Variants in SMIM31 observed in about 807,000 individuals in gnomAD.
SMIM31 encodes the protein small integral membrane protein 31, also known as human epithelial cell program regulator.
At chr4:164,795,558 CAAAAAAAAAAAAAAAA>C (rs60083689) in intron 2 of SMIM31, among the ~76,000 whole-genome samples, 1 of 76,958 alleles carries the variant, frequency 1.3e-5, no homozygotes, top group Non-Finnish European at 2.2e-5. Flanking sequence ...TACTCCATCT[CAAAAAAAAAAAAAAAA>C]AAAAAAAAAA....
At position 164,801,500 on chromosome 4, in the gene SMIM31, A is replaced by G; in HGVS notation, c.*306A>G. 1 of 209,344 alleles carries G rather than the reference A, an allele frequency of 4.8e-6. No individual in the cohort carries two copies. The highest frequency in any genetic ancestry group is 9.8e-5 in the East Asian group (1 of 10,202). The allele number at this position is 209,344 out of a possible 1,614,324, so 13.0% of individuals were successfully genotyped here. ...GAACACAGAGAAAGAAGAAAACTACATGTGTTACAATTTGGTAAGATAAAC... is the reference window on the plus strand; with the variant it reads ...GAACACAGAGAAAGAAGAAAACTACGTGTGTTACAATTTGGTAAGATAAAC... On this transcript the variant is annotated 3_prime_UTR_variant, in exon 3 of 3. Coordinates refer to ENST00000507311, the MANE Select transcript of SMIM31 (RefSeq NM_001352885.1).
chr4:164,762,662 C>CAAAAAAAA (rs1162067333), intron 1 of SMIM31, among the ~76,000 whole-genome samples: 27 of 100,068 alleles, frequency 2.7e-4, no homozygotes, highest in African/African-American at 7.5e-4. Flanking sequence ...GACTCTGTCT[C>CAAAAAAAA]AAAAAAAAAA....
At chr4:164,795,057 A>G (rs993130691) in intron 2 of SMIM31, among the ~76,000 whole-genome samples, 5 of 152,142 alleles carry the variant, frequency 3.3e-5, no homozygotes, top group African/African-American at 1.2e-4. Context: ...ACTCAATACT[A>G]ATAAATCTCT....
intron 2 of SMIM31, among the ~76,000 whole-genome samples, chr4:164,793,396 C>T (rs921490861): frequency 6.6e-6 from 1 of 152,098 alleles, no homozygotes; most frequent in African/African-American, 2.4e-5. Context: ...ACTAGATATC[C>T]ACATACAAAA....
In SMIM31 at chr4:164,758,639, T is replaced by TG. The variant is rs1182071480; in HGVS notation, c.-26+4228_-26+4229insG. Among the ~76,000 whole-genome samples, 4 of 127,794 alleles carry TG rather than the reference T, an allele frequency of 3.1e-5. 1 individual carries two copies. Among genetic ancestry groups the TG allele is most frequent in the African/African-American group, 5.7e-5 (2 of 35,194 alleles). 83.8% of individuals were successfully genotyped at this position (127,794 alleles called of 152,430 possible). A position where few individuals can be genotyped will look rare whatever the true frequency, so the allele number is the denominator to read the frequency against. ...TAGTTTTCCTTTTTTTGTTTTTTTT[T>TG]TTTTTTTTTTTTGAGACGGAGTCTC... On this transcript the variant is annotated intron_variant, in intron 1 of 2. Coordinates refer to ENST00000507311, the MANE Select transcript of SMIM31 (RefSeq NM_001352885.1).
At chr4:164,776,875 T>C (rs1302573765) in intron 2 of SMIM31, among the ~76,000 whole-genome samples, 1 of 152,224 alleles carries the variant, frequency 6.6e-6, no homozygotes, top group Non-Finnish European at 1.5e-5. Flanking sequence ...CTAATAATAG[T>C]TCATGTTGCT....
At chr4:164,795,525 A>C (rs1265049855) in intron 2 of SMIM31, among the ~76,000 whole-genome samples, 1 of 131,602 alleles carries the variant, frequency 7.6e-6, no homozygotes, top group African/African-American at 2.9e-5. Flanking sequence ...ACGCCACTGC[A>C]CTCCAGCCTG....
chr4:164,767,431 C>A (rs547817778), intron 1 of SMIM31, among the ~76,000 whole-genome samples: 81 of 152,264 alleles, frequency 5.3e-4, no homozygotes, highest in African/African-American at 1.7e-3. Flanking sequence ...GATTTACCTA[C>A]TATCTGTTAC....
At chr4:164,756,327 T>A (rs531173536) in intron 1 of SMIM31, among the ~76,000 whole-genome samples, 1 of 151,960 alleles carries the variant, frequency 6.6e-6, no homozygotes, top group Non-Finnish European at 1.5e-5. Context: ...TCCCAGCACT[T>A]TGGGAGGCTG....
chr4:164,760,613 G>A (rs940126834), intron 1 of SMIM31, among the ~76,000 whole-genome samples: 9 of 151,558 alleles, frequency 5.9e-5, no homozygotes, highest in African/African-American at 7.3e-5. Flanking sequence ...GGTGGTGGGC[G>A]CCTGTAATCC....
At chr4:164,778,713 A>G (rs998212562) in intron 2 of SMIM31, among the ~76,000 whole-genome samples, 4 of 152,168 alleles carry the variant, frequency 2.6e-5, no homozygotes, top group African/African-American at 9.7e-5. Context: ...AGGAAGAGGC[A>G]GGAAGAGCTC....
chr4:164,797,465 CTTTT>C (rs70952643), intron 2 of SMIM31, among the ~76,000 whole-genome samples: 1 of 131,352 alleles, frequency 7.6e-6, no homozygotes, highest in African/African-American at 2.9e-5. Context: ...GATTTCTTTT[CTTTT>C]TTTTTTTTTT....
chr4:164,787,434 GACAA>G (rs1188989918), intron 2 of SMIM31: 2 of 151,148 alleles, frequency 1.3e-5, no homozygotes, highest in Non-Finnish European at 2.9e-5. Flanking sequence ...GTTTCCAGAG[GACAA>G]ACACAGTGTT....
intron 2 of SMIM31, among the ~76,000 whole-genome samples, chr4:164,793,785 T>C (rs925343222): frequency 9.2e-5 from 14 of 152,114 alleles, no homozygotes; most frequent in African/African-American, 3.4e-4. Flanking sequence ...GGCTTCAGCA[T>C]CTGAATTTGG....
At chr4:164,787,992 C>T (rs1480753111) in intron 2 of SMIM31, among the ~76,000 whole-genome samples, 1 of 152,222 alleles carries the variant, frequency 6.6e-6, no homozygotes, top group Admixed American at 6.5e-5. Context: ...GTTCTACACT[C>T]AGCTCTTCGG....
At chr4:164,764,752 G>C (rs1732697713) in intron 1 of SMIM31, among the ~76,000 whole-genome samples, 2 of 152,118 alleles carry the variant, frequency 1.3e-5, no homozygotes, top group Non-Finnish European at 2.9e-5. Flanking sequence ...AAGAATATTT[G>C]TCTAGACAAA....
chr4:164,770,889 C>CACCACATGGTT (rs1560825923), intron 2 of SMIM31, among the ~76,000 whole-genome samples: 2 of 152,032 alleles, frequency 1.3e-5, no homozygotes, highest in Admixed American at 6.5e-5. Flanking sequence ...GGATTGTGCC[C>CACCACATGGTT]ACCACATGGT....
intron 1 of SMIM31, among the ~76,000 whole-genome samples, chr4:164,761,747 T>A (rs190302285): frequency 5.9e-4 from 83 of 141,808 alleles, no homozygotes; most frequent in African/African-American, 2.0e-3. Context: ...TGAAACCCCA[T>A]CTCTACTAAA....
chr4:164,771,437 G>A (rs187976933), intron 2 of SMIM31, among the ~76,000 whole-genome samples: 2 of 152,218 alleles, frequency 1.3e-5, no homozygotes, highest in East Asian at 1.9e-4. Flanking sequence ...CAAGGCTGAC[G>A]TGGCACTTAA....
Sources: allele counts gnomAD v4.1 joint callset (sites outside exome capture counted in the v4.1 genomes callset), GRCh38; gene constraint gnomAD v4.1.1; transcripts MANE v1.5; gene names NCBI Gene and HGNC (gene_info 2026-07-23, HGNC 2026-07-21).